The following NR3C1 variants were observed in gnomAD, a reference collection of about 807,000 sequenced individuals.
NR3C1 encodes glucocorticoid receptor.
NR3C1 carries 14 observed loss-of-function variants against 74.0 expected under a neutral mutation model. The observed-to-expected ratio is 0.19, with a 90% CI of 0.12 to 0.30. NR3C1 has a LOEUF of 0.30. Among genes scored for constraint, NR3C1 ranks in the 10% least tolerant of loss-of-function variants. The pLI is 1.00. For missense variants in NR3C1, 695 were observed against 909.8 expected (o/e 0.76, Z 3.04); for synonymous variants, 308 against 332.5 (o/e 0.93, Z 0.80).
intron 3 of NR3C1, among the ~76,000 whole-genome samples, chr5:143,312,787 G>C (rs751202849): frequency 1.1e-4 from 16 of 152,154 alleles, no homozygotes; most frequent in Non-Finnish European, 2.2e-4. Flanking sequence ...TACTTAAGCA[G>C]TTAAGAAAGT....
chr5:143,383,761 G>A (rs1317814353), intron 2 of NR3C1, among the ~76,000 whole-genome samples: 1 of 152,132 alleles, frequency 6.6e-6, no homozygotes, highest in Non-Finnish European at 1.5e-5. Context: ...CTCATGGCAA[G>A]GAATTTGTTA....
chr5:143,292,258 A>G lies in NR3C1; in HGVS notation c.2023+3202T>C, dbSNP rs1004841970. 2.0e-4 allele frequency among the ~76,000 whole-genome samples: 31 copies of G among 151,976 alleles called. No homozygotes were observed. The Middle Eastern group carries it at 0.014, about 67-fold the overall frequency. The stretch of plus-strand genomic sequence containing the variant: ...GTGTCTTGCAGCTCTCTCAGTTGTA[A>G]TCCACTGTTATTTTATCCTGGAGCC... On this transcript the variant is annotated intron_variant, in intron 7 of 8. Transcript: ENST00000394464.
At chr5:143,324,373 G>A (rs1824084733) in intron 2 of NR3C1, among the ~76,000 whole-genome samples, 1 of 152,204 alleles carries the variant, frequency 6.6e-6, no homozygotes, top group Non-Finnish European at 1.5e-5. Context: ...AAGGCTTGGG[G>A]CCTCCACCCT....
chr5:143,381,749 C>T (rs1836292701), intron 2 of NR3C1, among the ~76,000 whole-genome samples: 1 of 152,054 alleles, frequency 6.6e-6, no homozygotes, highest in South Asian at 2.1e-4. Flanking sequence ...AAACTAGACC[C>T]CTATCTCTCA....
At chr5:143,332,496 A>G in intron 2 of NR3C1, 1 of 583,132 alleles carries the variant, frequency 1.7e-6, no homozygotes, top group Non-Finnish European at 3.0e-6. Flanking sequence ...GCAAACCACC[A>G]TGGCCACATG....
intron 6 of NR3C1, among the ~76,000 whole-genome samples, chr5:143,296,493 C>CT (rs1327843097): frequency 6.6e-6 from 1 of 152,144 alleles, no homozygotes; most frequent in Non-Finnish European, 1.5e-5. Flanking sequence ...TAAAGCACTC[C>CT]TTTTCTGGGA....
upstream of NR3C1, chr5:143,407,224 C>T (rs1299065521): frequency 6.6e-6 from 1 of 152,180 alleles, no homozygotes; most frequent in Non-Finnish European, 1.5e-5. Flanking sequence ...CCAACAAATA[C>T]ATTACAGGGT....
chr5:143,297,070 C>T (rs1289586149), intron 6 of NR3C1, among the ~76,000 whole-genome samples: 3 of 116,480 alleles, frequency 2.6e-5, no homozygotes, highest in Admixed American at 9.8e-5. Flanking sequence ...GAGTAAGACT[C>T]GTCTCAAAAA....
At chr5:143,360,182 A>C (rs953274569) in intron 2 of NR3C1, among the ~76,000 whole-genome samples, 8 of 152,260 alleles carry the variant, frequency 5.3e-5, no homozygotes, top group African/African-American at 1.9e-4. Flanking sequence ...ACATGATTAA[A>C]GAATAATTAT....
chr5:143,433,456 A>ATATATATAATTTATTTATTTAAAT lies in NR3C1; in HGVS notation c.-14+1075_-14+1076insATTTAAATAAATAAATTATATATA, dbSNP rs1561822085. On this transcript the variant is annotated intron_variant, in intron 1 of 8. Transcript: ENST00000343796. ...TATATAATTTATTTATTTAAATTAT[A>ATATATATAATTTATTTATTTAAAT]TATATATATATATATTTAATTTCAT... Among the ~76,000 whole-genome samples, 49 of 46,720 alleles carry ATATATATAATTTATTTATTTAAAT rather than the reference A, an allele frequency of 1.0e-3. 1 individual carries two copies. Among genetic ancestry groups the ATATATATAATTTATTTATTTAAAT allele is most frequent in the African/African-American group, 2.0e-3 (39 of 19,314 alleles). The allele number at this position is 46,720 out of a possible 152,430, so 30.7% of individuals were successfully genotyped here.
chr5:143,284,690 T>G (rs1483519133), intron 7 of NR3C1, among the ~76,000 whole-genome samples: 1 of 152,078 alleles, frequency 6.6e-6, no homozygotes, highest in Non-Finnish European at 1.5e-5. Flanking sequence ...CTTCCTCTTT[T>G]GGCTGCAGGA....
intron 1 of NR3C1, among the ~76,000 whole-genome samples, chr5:143,424,162 T>G (rs1241898558): frequency 1.3e-5 from 2 of 151,910 alleles, no homozygotes; most frequent in Non-Finnish European, 2.9e-5. Context: ...TGTATACATA[T>G]GTAACTAACC....
intron 2 of NR3C1, chr5:143,333,268 C>T (rs1193106305): frequency 1.0e-6 from 1 of 1,000,976 alleles, no homozygotes; most frequent in Non-Finnish European, 1.5e-6. Context: ...TGAAAACTGC[C>T]CTTGGGCTGA....
At chr5:143,434,803 G>A (rs1351865368) in exon 1 of NR3C1, 33 of 985,332 alleles carry the variant, frequency 3.3e-5, no homozygotes, top group Non-Finnish European at 4.0e-5. Context: ...GCACCAGAAT[G>A]AAATCTGACT....
Position 143,428,509 on chromosome 5 carries a change from G to A in NR3C1, c.-14+6023C>T, listed in dbSNP as rs574774480. 2.2e-4 allele frequency among the ~76,000 whole-genome samples: 33 copies of A among 152,252 alleles called. 1 individual carries two copies. Among genetic ancestry groups the A allele is most frequent in the Admixed American group, 4.6e-4 (7 of 15,288 alleles). ...TGACTCCTTCTGCCTTTCCAACCAC[G>A]TTCTACAATTCTCTCTTGCCTTACC... On this transcript the variant is annotated intron_variant, in intron 1 of 8. Coordinates refer to the NR3C1 transcript ENST00000343796.
chr5:143,326,473 A>G (rs1824626334), intron 2 of NR3C1, among the ~76,000 whole-genome samples: 1 of 152,236 alleles, frequency 6.6e-6, no homozygotes, highest in Non-Finnish European at 1.5e-5. Flanking sequence ...TGGCATTCCA[A>G]ATTATTAAGA....
chr5:143,369,156 T>C (rs976907331), intron 2 of NR3C1, among the ~76,000 whole-genome samples: 2 of 152,118 alleles, frequency 1.3e-5, no homozygotes, highest in Non-Finnish European at 2.9e-5. Flanking sequence ...GGGACAAACA[T>C]TCGAACCACA....
chr5:143,367,475 T>C lies in NR3C1; in HGVS notation c.1184+32181A>G, dbSNP rs939893075. Among the ~76,000 whole-genome samples, 9 of 152,190 alleles carry C rather than the reference T, an allele frequency of 5.9e-5. No individual in the cohort carries two copies. In the East Asian group the frequency reaches 7.7e-4, roughly 13 times the overall value. On this transcript the variant is annotated intron_variant, in intron 2 of 8. Coordinates refer to ENST00000394464, the MANE Select transcript of NR3C1 (RefSeq NM_000176.3). The stretch of plus-strand genomic sequence containing the variant: ...AGGGAAGAAGTAAAATTATCTCTAA[T>C]TGCAGATGACATGATCTTATATATA...
chr5:143,326,822 T>A (rs1824708299), intron 2 of NR3C1, among the ~76,000 whole-genome samples: 1 of 152,216 alleles, frequency 6.6e-6, no homozygotes, highest in South Asian at 2.1e-4. Flanking sequence ...CTACCAGTTC[T>A]GTCAATAGAA....
Sources: gnomAD v4.1 joint callset for allele counts (sites outside exome capture counted in the v4.1 genomes callset) on GRCh38, gnomAD v4.1.1 for gene constraint, MANE v1.5 for transcripts, NCBI Gene and HGNC (gene_info 2026-07-23, HGNC 2026-07-21) for gene names.